Variants in SDK2 observed in about 807,000 individuals in gnomAD.
SDK2 encodes protein sidekick-2.
SDK2 carries 105 observed loss-of-function variants against 253.9 expected under a neutral mutation model. That is an observed-to-expected ratio of 0.41 (90% confidence interval 0.35 to 0.49). The LOEUF (loss-of-function observed/expected upper bound fraction) is 0.49, where lower values mean the gene tolerates loss of function less well. Ranked by LOEUF, SDK2 falls within the 20% of genes least tolerant of loss-of-function variation. SDK2 has a pLI of 0.06. For synonymous variants in SDK2, 1,249 were observed against 1,234.9 expected, an observed-to-expected ratio of 1.01 and a Z score of -0.24; for missense variants, 2,608 against 3,003.0, an observed-to-expected ratio of 0.87 and a Z score of 3.07.
chr17:73,483,671 ATATATATATATT>A lies in SDK2; in HGVS notation c.225-11465_225-11454del, dbSNP rs1190942027. 2.9e-3 allele frequency among the ~76,000 whole-genome samples: 202 copies of A among 70,652 alleles called. 12 individuals are homozygous for A. The highest frequency in any genetic ancestry group is 7.8e-3 in the African/African-American group (117 of 15,020). 46.4% of individuals were successfully genotyped at this position (70,652 alleles called of 152,430 possible). A position where few individuals can be genotyped will look rare whatever the true frequency, so the allele number is the denominator to read the frequency against. ...TGTGTGTGTGTGTGTGTATATATAT[ATATATATATATT>A]TATATATATATATATATATATATAT... On this transcript the variant is annotated intron_variant, in intron 2 of 44. Transcript: ENST00000392650.
intron 1 of SDK2, among the ~76,000 whole-genome samples, chr17:73,633,673 T>C (rs748129166): frequency 6.6e-6 from 1 of 152,138 alleles, no homozygotes; most frequent in Non-Finnish European, 1.5e-5. Context: ...TCCTTGTGGA[T>C]GAAGGGTTAT....
intron 15 of SDK2, among the ~76,000 whole-genome samples, chr17:73,420,467 A>C (rs1347745895): frequency 1.4e-5 from 2 of 143,108 alleles, no homozygotes; most frequent in African/African-American, 5.3e-5. Context: ...GAGTAGCGGG[A>C]TTATGGGTGC....
At chr17:73,494,214 G>T (rs145679640) in intron 2 of SDK2, among the ~76,000 whole-genome samples, 1 of 152,190 alleles carries the variant, frequency 6.6e-6, no homozygotes, top group Non-Finnish European at 1.5e-5. Context: ...GGAGACTCAG[G>T]GGGCCTGGGT....
In SDK2 at chr17:73,455,313, G is replaced by A. The variant is rs2063517938; in HGVS notation, c.479+593C>T. On this transcript the variant is annotated intron_variant, in intron 4 of 44. Transcript: ENST00000392650. This position sits in a 1 kb window ranked among gnomAD's most constrained non-coding sequence, Gnocchi z 5.0. ...CTCGCCTTCTGCGGAGGTGTGGGGT[G>A]TTGGCTCCATCCTCCTGCCCACAGG... Among the ~76,000 whole-genome samples, 1 of 152,188 alleles carries A rather than the reference G, an allele frequency of 6.6e-6. No individual in the cohort carries two copies. Among genetic ancestry groups the A allele is most frequent in the Non-Finnish European group, 1.5e-5 (1 of 68,024 alleles).
intron 38 of SDK2, among the ~76,000 whole-genome samples, chr17:73,364,913 G>A (rs571453853): frequency 2.6e-5 from 4 of 152,238 alleles, no homozygotes; most frequent in South Asian, 2.1e-4. Context: ...GTGAGCCACC[G>A]TCCTTGGCTG....
intron 1 of SDK2, among the ~76,000 whole-genome samples, chr17:73,567,044 G>GA (rs908581012): frequency 6.0e-5 from 9 of 151,036 alleles, no homozygotes; most frequent in Non-Finnish European, 8.9e-5. Context: ...AAAGACACTG[G>GA]AAAAAAAAAG....
intron 2 of SDK2, among the ~76,000 whole-genome samples, chr17:73,501,301 T>G (rs531393325): frequency 6.9e-6 from 1 of 145,566 alleles, no homozygotes; most frequent in South Asian, 2.2e-4. Flanking sequence ...TTAGACTCTG[T>G]ATATCCAAAT....
chr17:73,537,979 A>G (rs9912920), intron 1 of SDK2, among the ~76,000 whole-genome samples: 97,695 of 152,010 alleles, frequency 0.64, 31,690 homozygotes, highest in African/African-American at 0.7. Flanking sequence ...GACCTGGAAC[A>G]CAGTACCCAC....
In SDK2 at chr17:73,643,784, C is replaced by G. The variant is rs919650079; in HGVS notation, c.64+241G>C. Among the ~76,000 whole-genome samples the G allele has an allele frequency of 3.9e-5, 6 of 152,098 alleles. No individual in the cohort carries two copies. Among genetic ancestry groups the G allele is most frequent in the Non-Finnish European group, 8.8e-5 (6 of 67,990 alleles). ...CCACTTCACCTTGGGCTCTTCTCTG[C>G]CTCCCCAGGTCGTCCCCACCTTCCC... is the stretch of plus-strand genomic sequence containing the variant. On this transcript the variant is annotated intron_variant, in intron 1 of 44. Transcript: ENST00000392650. The surrounding 1 kb of genome is among the most constrained non-coding windows in gnomAD (Gnocchi z 6.9).
At chr17:73,549,607 T>A (rs1391300768) in intron 1 of SDK2, among the ~76,000 whole-genome samples, 2 of 150,612 alleles carry the variant, frequency 1.3e-5, no homozygotes, top group African/African-American at 4.9e-5. Flanking sequence ...GAAGAGGGAG[T>A]GTCTAAGTCA....
chr17:73,371,957 TAAA>T (rs11361484), intron 36 of SDK2, among the ~76,000 whole-genome samples: 5 of 144,002 alleles, frequency 3.5e-5, no homozygotes, highest in Non-Finnish European at 1.5e-5. Flanking sequence ...GAGAGTCCGT[TAAA>T]AAAAAAAAAA....
intron 1 of SDK2, among the ~76,000 whole-genome samples, chr17:73,625,079 A>G (rs1320367466): frequency 6.6e-6 from 1 of 152,214 alleles, no homozygotes; most frequent in African/African-American, 2.4e-5. Flanking sequence ...ATAACTCACA[A>G]GCAGCAGGGC....
chr17:73,562,910 G>A (rs114109898), intron 1 of SDK2, among the ~76,000 whole-genome samples: 20 of 152,290 alleles, frequency 1.3e-4, no homozygotes, highest in African/African-American at 4.1e-4. Flanking sequence ...ATTGAGGCAC[G>A]CAGAAGCACC....
intron 1 of SDK2, among the ~76,000 whole-genome samples, chr17:73,522,621 T>C (rs1862886695): frequency 6.6e-6 from 1 of 152,220 alleles, no homozygotes; most frequent in South Asian, 2.1e-4. Flanking sequence ...TACCGCCTCC[T>C]GATGGTTATC....
chr17:73,492,700 G>A (rs73349743), intron 2 of SDK2, among the ~76,000 whole-genome samples: 14,065 of 152,140 alleles, frequency 0.092, 898 homozygotes, highest in African/African-American at 0.17. Context: ...GGACTGGTAA[G>A]TCAGAAACCC....
chr17:73,536,757 G>T (rs566821485), intron 1 of SDK2, among the ~76,000 whole-genome samples: 1 of 152,296 alleles, frequency 6.6e-6, no homozygotes, highest in South Asian at 2.1e-4. Flanking sequence ...AGGTGACAAG[G>T]GTCCACTGGG....
intron 1 of SDK2, among the ~76,000 whole-genome samples, chr17:73,599,075 G>GT (rs1044184970): frequency 5.3e-5 from 8 of 152,214 alleles, no homozygotes; most frequent in Non-Finnish European, 8.8e-5. Context: ...CCCTTTTCTT[G>GT]TTTTTCCAAC....
At chr17:73,480,328 C>G (rs890431849) in intron 2 of SDK2, among the ~76,000 whole-genome samples, 2 of 152,202 alleles carry the variant, frequency 1.3e-5, no homozygotes, top group African/African-American at 4.8e-5. Flanking sequence ...CCTCCTCCTG[C>G]TTCACATAGA....
At chr17:73,429,105 G>A (rs1231977096) in intron 12 of SDK2, among the ~76,000 whole-genome samples, 1 of 151,548 alleles carries the variant, frequency 6.6e-6, no homozygotes, top group African/African-American at 2.4e-5. Context: ...TTATAAGTAA[G>A]TCATCTTTTT....
Sources: allele counts gnomAD v4.1 joint callset (sites outside exome capture counted in the v4.1 genomes callset), GRCh38; gene constraint gnomAD v4.1.1; non-coding constraint Gnocchi (gnomAD v3.1); transcripts MANE v1.5; gene names NCBI Gene and HGNC (gene_info 2026-07-23, HGNC 2026-07-21).